Variants in TENM2 observed in about 807,000 individuals in gnomAD.
TENM2 encodes teneurin-2.
Under a neutral mutation model 245.2 loss-of-function variants are expected in TENM2, and 52 were observed. The observed-to-expected ratio is 0.21, with a 90% CI of 0.17 to 0.27. TENM2 has a LOEUF of 0.27. Among genes scored for constraint, TENM2 ranks in the 10% least tolerant of loss-of-function variants. The pLI, the probability that TENM2 is intolerant of heterozygous loss-of-function variation, is 1.00. For synonymous variants in TENM2, 1,363 were observed against 1,438.9 expected (o/e 0.95, Z 1.19); for missense variants, 3,046 against 3,666.8 (o/e 0.83, Z 4.37).
intron 1 of TENM2, among the ~76,000 whole-genome samples, chr5:167,334,714 C>T (rs1451470319): frequency 6.6e-6 from 1 of 152,172 alleles, no homozygotes; most frequent in African/African-American, 2.4e-5. Flanking sequence ...TCCGTTACAA[C>T]ATATTATCTG....
chr5:167,726,519 C>T (rs370212639), intron 2 of TENM2, among the ~76,000 whole-genome samples: 1 of 152,152 alleles, frequency 6.6e-6, no homozygotes, highest in Non-Finnish European at 1.5e-5. Context: ...AGTGCAGTGG[C>T]ATGATCATTG....
At chr5:168,028,403 T>A (rs926916917) in intron 5 of TENM2, among the ~76,000 whole-genome samples, 2 of 152,048 alleles carry the variant, frequency 1.3e-5, no homozygotes, top group African/African-American at 4.8e-5. Flanking sequence ...CAGAGACCCA[T>A]CCCAGCGTGA....
rs530792613 is a variant in TENM2, at chr5:168,108,288, T to C, written c.1814-10004T>C. On this transcript the variant is annotated intron_variant, in intron 9 of 28. Coordinates refer to ENST00000518659, the Ensembl canonical transcript of TENM2. ...TTTATTCCACAATTTACGTGCATTA[T>C]GTCATAATAGCCAAGTGATTAAGAA... Among the ~76,000 whole-genome samples the C allele has an allele frequency of 3.9e-5, 6 of 152,358 alleles. No homozygotes were observed. In the South Asian group the frequency reaches 1.2e-3, roughly 32 times the overall value.
intron 1 of TENM2, among the ~76,000 whole-genome samples, chr5:167,325,837 T>C (rs774500536): frequency 6.6e-6 from 1 of 152,230 alleles, no homozygotes; most frequent in African/African-American, 2.4e-5. Flanking sequence ...CCTGAACTTA[T>C]AGTCTATAGT....
intron 2 of TENM2, among the ~76,000 whole-genome samples, chr5:167,768,918 A>G (rs1763218133): frequency 6.6e-6 from 1 of 152,210 alleles, no homozygotes; most frequent in Admixed American, 6.5e-5. Context: ...AAGATTCTAG[A>G]GGGTGCGGCT....
At chr5:167,576,203 T>C (rs186292021) in intron 2 of TENM2, among the ~76,000 whole-genome samples, 2 of 152,324 alleles carry the variant, frequency 1.3e-5, no homozygotes, top group East Asian at 1.9e-4. Flanking sequence ...GTAAACTGGA[T>C]TGTAGTTCAG....
chr5:168,188,978 C>T (rs544999604), intron 13 of TENM2, among the ~76,000 whole-genome samples: 2 of 152,170 alleles, frequency 1.3e-5, no homozygotes, highest in Non-Finnish European at 2.9e-5. Context: ...TCTCGCAGTC[C>T]TGGAGGCTGG....
chr5:168,098,726 A>G (rs1050164127), intron 9 of TENM2, among the ~76,000 whole-genome samples: 1 of 152,282 alleles, frequency 6.6e-6, no homozygotes, highest in South Asian at 2.1e-4. Flanking sequence ...AAATGGCTCT[A>G]TCAGAGGCAG....
intron 2 of TENM2, among the ~76,000 whole-genome samples, chr5:167,681,707 C>A (rs1056494535): frequency 1.3e-5 from 2 of 152,036 alleles, no homozygotes; most frequent in African/African-American, 4.8e-5. Flanking sequence ...TGTACACATG[C>A]CCAAATTGCC....
chr5:167,772,071 G>A (rs1480432412), intron 2 of TENM2, among the ~76,000 whole-genome samples: 3 of 152,120 alleles, frequency 2.0e-5, no homozygotes, highest in Non-Finnish European at 1.5e-5. Flanking sequence ...CTTTCTTCCT[G>A]AAATGAAAGT....
chr5:167,273,890 A>T, the TENM2 span, among the ~76,000 whole-genome samples: 1 of 152,100 alleles, frequency 6.6e-6, no homozygotes, highest in Non-Finnish European at 1.5e-5. Flanking sequence ...GGTATGTGGC[A>T]TTGTGGGATT....
rs116792253 is a variant in TENM2, at chr5:167,931,666, G to A, written c.713-20922G>A. ...CTTTAAAAGTAATTGATTTTATAGC[G>A]AAACGTGTCAAGAGCACTGGTTTTC... On this transcript the variant is annotated intron_variant, in intron 3 of 28. Transcript: ENST00000518659. Among the ~76,000 whole-genome samples the A allele has an allele frequency of 9.4e-3, 1,429 of 152,140 alleles. 6 individuals carry two copies. Among genetic ancestry groups the A allele is most frequent in the Middle Eastern group, 0.021 (6 of 290 alleles).
intron 2 of TENM2, among the ~76,000 whole-genome samples, chr5:167,870,955 G>A (rs571274549): frequency 6.6e-6 from 1 of 152,078 alleles, no homozygotes; most frequent in African/African-American, 2.4e-5. Context: ...GAATTGATCT[G>A]CAACATGCCC....
the TENM2 span, among the ~76,000 whole-genome samples, chr5:167,177,103 A>C: frequency 1.3e-5 from 2 of 152,084 alleles, no homozygotes; most frequent in African/African-American, 4.8e-5. Flanking sequence ...GGTGTAGTTC[A>C]GTCAAGGAAA....
intron 3 of TENM2, among the ~76,000 whole-genome samples, chr5:167,939,823 C>A (rs1453462536): frequency 6.6e-6 from 1 of 152,162 alleles, no homozygotes; most frequent in African/African-American, 2.4e-5. Context: ...TCAGGATTCA[C>A]CCAGCCTGGT....
intron 25 of TENM2, among the ~76,000 whole-genome samples, chr5:168,231,949 C>T (rs577431688): frequency 6.6e-6 from 1 of 152,096 alleles, no homozygotes; most frequent in East Asian, 1.9e-4. Context: ...TGCCTGTAGT[C>T]CCAGCTATTC....
chr5:168,186,696 T>A (rs1449925492), intron 13 of TENM2: 1 of 152,070 alleles, frequency 6.6e-6, no homozygotes, highest in East Asian at 1.9e-4. Flanking sequence ...GATAAATAAA[T>A]AAAGAAATCG....
At chr5:167,585,147 C>T (rs1250413340) in intron 2 of TENM2, among the ~76,000 whole-genome samples, 3 of 152,138 alleles carry the variant, frequency 2.0e-5, no homozygotes, top group Non-Finnish European at 4.4e-5. Context: ...TGTCCTAGGG[C>T]ATCATCCTTC....
chr5:167,580,978 A>G (rs922070307), intron 2 of TENM2, among the ~76,000 whole-genome samples: 4 of 152,190 alleles, frequency 2.6e-5, no homozygotes, highest in African/African-American at 9.7e-5. Context: ...AACAGAGCGA[A>G]ACCTTGTCTC....
Sources: gnomAD v4.1 joint callset for allele counts (sites outside exome capture counted in the v4.1 genomes callset) on GRCh38, gnomAD v4.1.1 for gene constraint, MANE v1.5 for transcripts, NCBI Gene and HGNC (gene_info 2026-07-23, HGNC 2026-07-21) for gene names.